The following DAB1 variants were observed in gnomAD, a reference collection of about 807,000 sequenced individuals.
DAB1 encodes DAB adaptor protein 1, also known as disabled homolog 1.
Under a neutral mutation model 64.6 loss-of-function variants are expected in DAB1, and 15 were observed. That is an observed-to-expected ratio of 0.23 (90% CI 0.16 to 0.36). DAB1 has a LOEUF of 0.36. DAB1 is among the 10% of genes least tolerant of loss of function. DAB1 has a pLI of 1.00. For synonymous variants in DAB1, 235 were observed against 251.9 expected (o/e 0.93, Z 0.64); for missense variants, 596 against 706.7 (o/e 0.84, Z 1.78).
intron 4 of DAB1, among the ~76,000 whole-genome samples, chr1:58,286,676 T>A (rs529700027): frequency 1.3e-5 from 2 of 152,366 alleles, no homozygotes; most frequent in East Asian, 3.9e-4. Context: ...TGACTGATGC[T>A]GGCATGGCTG....
At chr1:57,614,868 C>CTTTTTTTTTTT (rs34907824) in intron 7 of DAB1, among the ~76,000 whole-genome samples, 13 of 38,738 alleles carry the variant, frequency 3.4e-4, no homozygotes, top group African/African-American at 5.9e-4. Flanking sequence ...TTCTTTCTTT[C>CTTTTTTTTTTT]TTTTTTTTTT....
At chr1:58,275,276 ATT>A (rs1661414888) in intron 4 of DAB1, among the ~76,000 whole-genome samples, 1 of 152,198 alleles carries the variant, frequency 6.6e-6, no homozygotes, top group Non-Finnish European at 1.5e-5. Context: ...TTTGGCAATG[ATT>A]TCTTGGATAT....
At chr1:57,567,895 T>A (rs911503254) in intron 7 of DAB1, among the ~76,000 whole-genome samples, 1 of 152,162 alleles carries the variant, frequency 6.6e-6, no homozygotes, top group Non-Finnish European at 1.5e-5. Context: ...AAGCTACAAA[T>A]GACTTTCTTC....
chr1:57,064,308 G>A lies in DAB1; in HGVS notation c.664-1365C>T, dbSNP rs371281957. Among the ~76,000 whole-genome samples the A allele has an allele frequency of 9.9e-4, 151 of 152,302 alleles. 1 individual carries two copies. The highest frequency in any genetic ancestry group is 9.5e-3 in the South Asian group (46 of 4,826). ...AGATGTTAGGGACTTTGCCCAAATC[G>A]TCAAAGCTGGTAAGTGACCAGGTTC... On this transcript the variant is annotated intron_variant, in intron 8 of 14. Transcript: ENST00000371236.
chr1:57,701,989 G>A (rs1289613853), intron 6 of DAB1, among the ~76,000 whole-genome samples: 5 of 152,108 alleles, frequency 3.3e-5, no homozygotes, highest in Admixed American at 6.6e-5. Flanking sequence ...TTGCCATCTC[G>A]TTAGAGTTGG....
intron 2 of DAB1, among the ~76,000 whole-genome samples, chr1:57,228,499 G>T (rs934878787): frequency 6.6e-6 from 1 of 152,112 alleles, no homozygotes; most frequent in African/African-American, 2.4e-5. Context: ...TCAGGGAAAT[G>T]CAAATTAAAA....
At chr1:57,327,114 AT>A (rs1047373122) in intron 1 of DAB1, among the ~76,000 whole-genome samples, 9 of 151,512 alleles carry the variant, frequency 5.9e-5, no homozygotes, top group African/African-American at 1.9e-4. Flanking sequence ...AATTTTTTTT[AT>A]TTTTTGTAGT....
At chr1:57,437,518 A>C (rs141988353) in intron 7 of DAB1, among the ~76,000 whole-genome samples, 2 of 152,344 alleles carry the variant, frequency 1.3e-5, no homozygotes, top group East Asian at 3.9e-4. Context: ...TAGAAAATGG[A>C]AGAGACCTGA....
At chr1:57,061,406 C>T (rs1294524734) in intron 9 of DAB1, among the ~76,000 whole-genome samples, 2 of 152,170 alleles carry the variant, frequency 1.3e-5, no homozygotes, top group African/African-American at 4.8e-5. Flanking sequence ...ATCCAGAGCT[C>T]TCCTGTCCAT....
At chr1:57,861,810 T>C (rs1261065803) in intron 1 of DAB1, among the ~76,000 whole-genome samples, 1 of 149,556 alleles carries the variant, frequency 6.7e-6, no homozygotes, top group Non-Finnish European at 1.5e-5. Context: ...TAATATATAA[T>C]ATGTATTAAA....
At chr1:57,750,893 C>T (rs955570584) in intron 6 of DAB1, among the ~76,000 whole-genome samples, 8 of 152,198 alleles carry the variant, frequency 5.3e-5, no homozygotes, top group African/African-American at 1.9e-4. Flanking sequence ...GTTCTAGCCA[C>T]ACGAACTCCT....
At chr1:58,068,828 T>A (rs1220550226) in intron 5 of DAB1, among the ~76,000 whole-genome samples, 1 of 148,796 alleles carries the variant, frequency 6.7e-6, no homozygotes. Flanking sequence ...TTGGGTCCAA[T>A]GTTCTTCCAA....
intron 1 of DAB1, among the ~76,000 whole-genome samples, chr1:57,853,537 C>A (rs1395561662): frequency 1.3e-5 from 2 of 152,102 alleles, no homozygotes; most frequent in Admixed American, 1.3e-4. Context: ...AAGAGTGAAG[C>A]TTTAGGCAGG....
At chr1:57,473,761 C>T (rs531834094) in intron 7 of DAB1, among the ~76,000 whole-genome samples, 1 of 152,132 alleles carries the variant, frequency 6.6e-6, no homozygotes. Context: ...ATCTGCATAC[C>T]GTGAATACCC....
intron 2 of DAB1, among the ~76,000 whole-genome samples, chr1:57,179,184 G>T (rs1388850041): frequency 6.6e-6 from 1 of 152,140 alleles, no homozygotes; most frequent in Admixed American, 6.5e-5. Flanking sequence ...TTAGGAAAGA[G>T]GTCTACACAC....
At chr1:57,560,205 T>C (rs1645034644) in intron 7 of DAB1, among the ~76,000 whole-genome samples, 1 of 152,190 alleles carries the variant, frequency 6.6e-6, no homozygotes, top group African/African-American at 2.4e-5. Context: ...CCAACCTCAG[T>C]GGTATATCAG....
intron 5 of DAB1, among the ~76,000 whole-genome samples, chr1:58,049,659 T>C (rs1283726736): frequency 6.6e-6 from 1 of 152,234 alleles, no homozygotes; most frequent in East Asian, 1.9e-4. Context: ...TTATTTGCTA[T>C]ATGACCTTGA....
At chr1:58,300,512 A>G (rs1325500016) in intron 4 of DAB1, among the ~76,000 whole-genome samples, 1 of 149,432 alleles carries the variant, frequency 6.7e-6, no homozygotes, top group Non-Finnish European at 1.5e-5. Flanking sequence ...ACACTATTGC[A>G]CTCCAGCCTG....
intron 6 of DAB1, among the ~76,000 whole-genome samples, chr1:57,704,646 G>C (rs1646944369): frequency 6.6e-6 from 1 of 152,094 alleles, no homozygotes; most frequent in Non-Finnish European, 1.5e-5. Flanking sequence ...AAATTTATAA[G>C]GATGCATTTG....
Sources: gnomAD v4.1 joint callset for allele counts (sites outside exome capture counted in the v4.1 genomes callset) on GRCh38, gnomAD v4.1.1 for gene constraint, MANE v1.5 for transcripts, NCBI Gene and HGNC (gene_info 2026-07-23, HGNC 2026-07-21) for gene names.